Variants in SGIP1 observed in about 807,000 individuals in gnomAD.
SGIP1 encodes the protein SH3GL interacting endocytic adaptor 1, also known as SH3-containing GRB2-like protein 3-interacting protein 1.
In SGIP1, 38 loss-of-function variants were observed where a neutral mutation model predicts 107.5. The ratio of observed to expected loss-of-function variants is 0.35; its 90% CI spans 0.27 to 0.46. The LOEUF (loss-of-function observed/expected upper bound fraction) is 0.46, where lower values mean the gene tolerates loss of function less well. Ranked by LOEUF, SGIP1 falls within the 20% of genes least tolerant of loss-of-function variation. SGIP1 has a pLI of 1.00. For missense variants in SGIP1, 929 were observed against 1,019.5 expected (o/e 0.91, Z 1.21); for synonymous variants, 365 against 366.1 (o/e 1.00, Z 0.03).
intron 18 of SGIP1, among the ~76,000 whole-genome samples, chr1:66,707,599 G>T (rs1454829197): frequency 6.6e-6 from 1 of 152,166 alleles, no homozygotes; most frequent in East Asian, 1.9e-4. Flanking sequence ...CCTTTAGGAT[G>T]CATGTCAGTC....
At chr1:66,556,338 C>T (rs369036480) in intron 1 of SGIP1, among the ~76,000 whole-genome samples, 3 of 152,080 alleles carry the variant, frequency 2.0e-5, no homozygotes, top group East Asian at 1.9e-4. Flanking sequence ...ACAAGGCTAA[C>T]GGCAGGATGT....
intron 18 of SGIP1, among the ~76,000 whole-genome samples, chr1:66,710,354 G>C (rs903740430): frequency 6.6e-6 from 1 of 152,008 alleles, no homozygotes; most frequent in Non-Finnish European, 1.5e-5. Context: ...TACATGACAC[G>C]ACTGTAAGGC....
intron 18 of SGIP1, among the ~76,000 whole-genome samples, chr1:66,715,749 C>T (rs865964918): frequency 2.0e-5 from 3 of 152,214 alleles, no homozygotes; most frequent in Middle Eastern, 3.4e-3. Flanking sequence ...CCTCCAGGTG[C>T]TTTTTTTCAC....
chr1:66,613,527 G>C (rs1428027656), intron 1 of SGIP1, among the ~76,000 whole-genome samples: 13 of 152,030 alleles, frequency 8.6e-5, no homozygotes, highest in Non-Finnish European at 1.6e-4. Context: ...ATGGGGTTTT[G>C]CCATGTTGGC....
intron 18 of SGIP1, among the ~76,000 whole-genome samples, chr1:66,707,894 G>A (rs959979877): frequency 2.0e-5 from 3 of 152,090 alleles, no homozygotes; most frequent in African/African-American, 7.2e-5. Context: ...TAGAGGTACT[G>A]TACATCTGGT....
At chr1:66,643,472 G>A in intron 6 of SGIP1, 72 bp from the exon 7 acceptor site, 1 of 1,278,316 alleles carries the variant, frequency 7.8e-7, no homozygotes, top group Admixed American at 2.3e-5. Flanking sequence ...GTCTCTATAT[G>A]CAATTGCTCT....
At chr1:66,653,304 T>G (rs925711111) in intron 7 of SGIP1, among the ~76,000 whole-genome samples, 1 of 152,186 alleles carries the variant, frequency 6.6e-6, no homozygotes, top group African/African-American at 2.4e-5. Flanking sequence ...CCTTCATTAC[T>G]GATTTTTTTT....
chr1:66,538,677 G>GT (rs1398199419), intron 1 of SGIP1, among the ~76,000 whole-genome samples: 1 of 152,076 alleles, frequency 6.6e-6, no homozygotes, highest in Non-Finnish European at 1.5e-5. Flanking sequence ...TTTCCCATAG[G>GT]AATAATGATA....
At chr1:66,556,200 C>T (rs553604340) in intron 1 of SGIP1, among the ~76,000 whole-genome samples, 6 of 152,178 alleles carry the variant, frequency 3.9e-5, no homozygotes, top group Non-Finnish European at 8.8e-5. Flanking sequence ...TTCATAATCC[C>T]CGGTGATATG....
At chr1:66,636,628 G>A (rs1316438151) in intron 4 of SGIP1, among the ~76,000 whole-genome samples, 2 of 152,204 alleles carry the variant, frequency 1.3e-5, no homozygotes, top group Non-Finnish European at 2.9e-5. Context: ...CACACAGGTA[G>A]AATATTGCCA....
chr1:66,605,752 G>C (rs1037974691), intron 1 of SGIP1, among the ~76,000 whole-genome samples: 5 of 152,092 alleles, frequency 3.3e-5, no homozygotes, highest in African/African-American at 1.2e-4. Flanking sequence ...TTTGGTGTCT[G>C]AGGGTGAATG....
intron 18 of SGIP1, among the ~76,000 whole-genome samples, chr1:66,710,466 A>C (rs916407744): frequency 6.6e-6 from 1 of 152,108 alleles, no homozygotes; most frequent in Non-Finnish European, 1.5e-5. Context: ...TCTTTGTCCC[A>C]GTGTTCACTA....
chr1:66,606,672 G>A (rs2066909076), intron 1 of SGIP1, among the ~76,000 whole-genome samples: 1 of 152,218 alleles, frequency 6.6e-6, no homozygotes. Flanking sequence ...AGCTCATTTA[G>A]TATCTGACGA....
intron 7 of SGIP1, among the ~76,000 whole-genome samples, chr1:66,646,644 A>G (rs575025474): frequency 6.6e-6 from 1 of 152,340 alleles, no homozygotes; most frequent in Non-Finnish European, 1.5e-5. Context: ...AACGAATGAA[A>G]TGAAATGGGA....
At chr1:66,636,873 T>C (rs1458666535) in intron 4 of SGIP1, among the ~76,000 whole-genome samples, 1 of 152,192 alleles carries the variant, frequency 6.6e-6, no homozygotes. Flanking sequence ...ACTATATTTA[T>C]CTATTTAGCC....
intron 1 of SGIP1, among the ~76,000 whole-genome samples, chr1:66,546,243 T>G (rs183764599): frequency 9.0e-4 from 137 of 152,282 alleles, no homozygotes; most frequent in African/African-American, 3.2e-3. Flanking sequence ...CCACGTAGGA[T>G]CACACTGGCT....
At chr1:66,635,610 G>A (rs1026231474) in intron 3 of SGIP1, among the ~76,000 whole-genome samples, 1 of 152,192 alleles carries the variant, frequency 6.6e-6, no homozygotes, top group African/African-American at 2.4e-5. Flanking sequence ...GTCTCTTCTT[G>A]TGTGTCCTTG....
At chr1:66,717,191 T>C (rs2093295958) in intron 18 of SGIP1, among the ~76,000 whole-genome samples, 2 of 152,184 alleles carry the variant, frequency 1.3e-5, no homozygotes, top group South Asian at 4.1e-4. Context: ...TTCAATCACA[T>C]AGTGGCAATG....
At chr1:66,568,606 A>G (rs1466113652) in intron 1 of SGIP1, among the ~76,000 whole-genome samples, 1 of 152,034 alleles carries the variant, frequency 6.6e-6, no homozygotes, top group Non-Finnish European at 1.5e-5. Flanking sequence ...GCTTTTGCCT[A>G]CTTAGTATGA....
Sources: allele counts gnomAD v4.1 joint callset (sites outside exome capture counted in the v4.1 genomes callset), GRCh38; gene constraint gnomAD v4.1.1; transcripts MANE v1.5; gene names NCBI Gene and HGNC (gene_info 2026-07-23, HGNC 2026-07-21).